DPP10: variants seen among roughly 807,000 people sequenced by gnomAD.
DPP10 encodes dipeptidyl peptidase like 10, also known as inactive dipeptidyl peptidase 10.
In DPP10, 33 loss-of-function variants were observed where a neutral mutation model predicts 120.9. That is an observed-to-expected ratio of 0.27 (90% CI 0.21 to 0.37). The LOEUF is 0.37. Ranked by LOEUF, DPP10 falls within the 10% of genes least tolerant of loss-of-function variation. The pLI, the probability that DPP10 is intolerant of heterozygous loss-of-function variation, is 1.00. For missense variants in DPP10, 816 were observed against 942.8 expected (o/e 0.87, Z 1.76); for synonymous variants, 337 against 326.1 (o/e 1.03, Z -0.36).
chr2:115,773,765 T>A (rs1027286257), intron 13 of DPP10, among the ~76,000 whole-genome samples: 6 of 152,218 alleles, frequency 3.9e-5, no homozygotes, highest in African/African-American at 1.4e-4. Context: ...TTGTGAAATC[T>A]GCTCAAATAC....
At chr2:114,526,935 T>C (rs575714799) in intron 1 of DPP10, among the ~76,000 whole-genome samples, 1 of 152,322 alleles carries the variant, frequency 6.6e-6, no homozygotes, top group Admixed American at 6.5e-5. Context: ...GTTACACCTA[T>C]GCAATTATCA....
chr2:114,952,710 G>C (rs1697886795), intron 1 of DPP10, among the ~76,000 whole-genome samples: 1 of 152,112 alleles, frequency 6.6e-6, no homozygotes, highest in African/African-American at 2.4e-5. Flanking sequence ...GTTGGGGAAG[G>C]GTGAGATGGA....
chr2:115,068,976 T>A (rs1049298324), intron 1 of DPP10, among the ~76,000 whole-genome samples: 4 of 152,134 alleles, frequency 2.6e-5, no homozygotes, highest in African/African-American at 9.7e-5. Context: ...CTTTGTAGTA[T>A]ATTTCAACAT....
At chr2:115,763,417 T>A (rs1367950044) in intron 12 of DPP10, among the ~76,000 whole-genome samples, 2 of 152,180 alleles carry the variant, frequency 1.3e-5, no homozygotes, top group Non-Finnish European at 2.9e-5. Context: ...AGGTCTAAGC[T>A]GAACTCATTC....
At chr2:115,776,841 G>T (rs958245541) in intron 13 of DPP10, among the ~76,000 whole-genome samples, 1 of 136,162 alleles carries the variant, frequency 7.3e-6, no homozygotes, top group African/African-American at 2.7e-5. Flanking sequence ...GTATTTATTG[G>T]AGTAAAGTTT....
chr2:114,835,342 C>G (rs374207525), intron 1 of DPP10: 1 of 151,004 alleles, frequency 6.6e-6, no homozygotes, highest in Non-Finnish European at 1.5e-5. Context: ...TAAGCCATAT[C>G]TACACACCTA....
At chr2:115,096,019 G>A (rs1388605718) in intron 1 of DPP10, among the ~76,000 whole-genome samples, 1 of 152,042 alleles carries the variant, frequency 6.6e-6, no homozygotes, top group East Asian at 1.9e-4. Flanking sequence ...TCTTTACAAT[G>A]CCAAGAAGTC....
intron 1 of DPP10, among the ~76,000 whole-genome samples, chr2:114,793,201 GC>G (rs1471082784): frequency 3.1e-4 from 47 of 152,136 alleles, no homozygotes; most frequent in Non-Finnish European, 5.9e-5. Flanking sequence ...AGAACGTGAA[GC>G]CTTGTCACAT....
At chr2:115,788,915 G>A (rs1056569225) in intron 17 of DPP10, among the ~76,000 whole-genome samples, 34 of 152,186 alleles carry the variant, frequency 2.2e-4, no homozygotes, top group Admixed American at 2.0e-3. Flanking sequence ...TCAGGAGATC[G>A]AGACCATCCT....
intron 1 of DPP10, among the ~76,000 whole-genome samples, chr2:115,250,023 G>A (rs1322403606): frequency 1.3e-5 from 2 of 152,120 alleles, no homozygotes; most frequent in African/African-American, 4.8e-5. Flanking sequence ...GCTCTTGGCT[G>A]TTCAATTCAC....
intron 1 of DPP10, among the ~76,000 whole-genome samples, chr2:115,211,827 G>A (rs961198778): frequency 2.0e-5 from 3 of 152,056 alleles, no homozygotes; most frequent in Admixed American, 6.6e-5. Flanking sequence ...AGATGTGTGC[G>A]TGTGTGTGTC....
At chr2:114,714,929 G>T (rs575996680) in intron 1 of DPP10, among the ~76,000 whole-genome samples, 66 of 152,072 alleles carry the variant, frequency 4.3e-4, no homozygotes, top group Non-Finnish European at 6.8e-4. Flanking sequence ...GAAAAACATT[G>T]ATCCTGTTTC....
intron 1 of DPP10, among the ~76,000 whole-genome samples, chr2:114,645,315 C>T (rs1290376870): frequency 6.6e-6 from 1 of 152,098 alleles, no homozygotes; most frequent in Non-Finnish European, 1.5e-5. Context: ...AAGTTGGGCC[C>T]TAAGAAAAAC....
At chr2:114,701,342 G>C (rs1225079559) in intron 1 of DPP10, among the ~76,000 whole-genome samples, 1 of 152,048 alleles carries the variant, frequency 6.6e-6, no homozygotes, top group Non-Finnish European at 1.5e-5. Flanking sequence ...TTTGCAGAGA[G>C]TATGTACATC....
intron 1 of DPP10, among the ~76,000 whole-genome samples, chr2:115,128,831 T>C (rs1203252120): frequency 1.3e-5 from 2 of 152,214 alleles, no homozygotes; most frequent in Non-Finnish European, 2.9e-5. Flanking sequence ...AGCAAATTTC[T>C]AGTCACTGAA....
chr2:115,003,606 TAAAG>T (rs1701604753), intron 1 of DPP10, among the ~76,000 whole-genome samples: 1 of 151,962 alleles, frequency 6.6e-6, no homozygotes, highest in African/African-American at 2.4e-5. Context: ...GCTCAAAACA[TAAAG>T]AAATCAAGAG....
At chr2:115,395,356 A>G (rs531475171) in intron 3 of DPP10, among the ~76,000 whole-genome samples, 27 of 152,260 alleles carry the variant, frequency 1.8e-4, no homozygotes, top group African/African-American at 5.8e-4. Context: ...TTTTAACTTA[A>G]TTTCTCTTTA....
intron 1 of DPP10, among the ~76,000 whole-genome samples, chr2:115,110,803 A>G (rs2049177782): frequency 6.6e-6 from 1 of 152,120 alleles, no homozygotes; most frequent in South Asian, 2.1e-4. Flanking sequence ...AGCTTTAGAT[A>G]GTATCATTTT....
At chr2:114,922,809 G>T (rs896523117) in intron 1 of DPP10, among the ~76,000 whole-genome samples, 1 of 152,092 alleles carries the variant, frequency 6.6e-6, no homozygotes, top group Non-Finnish European at 1.5e-5. Flanking sequence ...GGACATTTGG[G>T]TTGCTTCTAC....
Sources: allele counts gnomAD v4.1 joint callset (sites outside exome capture counted in the v4.1 genomes callset), GRCh38; gene constraint gnomAD v4.1.1; transcripts MANE v1.5; gene names NCBI Gene and HGNC (gene_info 2026-07-23, HGNC 2026-07-21).